DENND5B: variants seen among roughly 807,000 people sequenced by gnomAD.
The protein encoded by DENND5B is DENN domain-containing protein 5B.
A neutral mutation model predicts 140.6 loss-of-function variants in DENND5B; 34 were observed. The observed-to-expected ratio is 0.24, with a 90% CI of 0.18 to 0.32. The LOEUF (loss-of-function observed/expected upper bound fraction) is 0.32, where lower values mean the gene tolerates loss of function less well. Among genes scored for constraint, DENND5B ranks in the 10% least tolerant of loss-of-function variants. The pLI is 1.00. For synonymous variants in DENND5B, 551 were observed against 562.1 expected (o/e 0.98, Z 0.28); for missense variants, 1,142 against 1,560.2 (o/e 0.73, Z 4.52).
chr12:31,445,090 C>T (rs1223944515), intron 6 of DENND5B, among the ~76,000 whole-genome samples: 1 of 152,160 alleles, frequency 6.6e-6, no homozygotes. Context: ...GGAAAAGTTG[C>T]TGTCAAATAA....
chr12:31,473,689 T>C (rs1193490766), intron 3 of DENND5B, among the ~76,000 whole-genome samples: 4 of 152,186 alleles, frequency 2.6e-5, no homozygotes, highest in Admixed American at 2.6e-4. Context: ...TGATTTAAAG[T>C]GCCCCTATGA....
intron 2 of DENND5B, among the ~76,000 whole-genome samples, chr12:31,493,371 A>C (rs1306721869): frequency 6.6e-6 from 1 of 152,228 alleles, no homozygotes; most frequent in Non-Finnish European, 1.5e-5. Context: ...ATCAGGTTAT[A>C]ATGGAGTCTT....
At chr12:31,559,785 G>A (rs1393177016) in intron 1 of DENND5B, among the ~76,000 whole-genome samples, 1 of 151,982 alleles carries the variant, frequency 6.6e-6, no homozygotes, top group Non-Finnish European at 1.5e-5. Flanking sequence ...ACCAAGAAAA[G>A]GGTTAGCTGT....
chr12:31,443,467 T>C (rs542011089), intron 6 of DENND5B, among the ~76,000 whole-genome samples: 1 of 152,356 alleles, frequency 6.6e-6, no homozygotes, highest in South Asian at 2.1e-4. Context: ...TTAATTTTCA[T>C]GGTATTTTCT....
intron 3 of DENND5B, among the ~76,000 whole-genome samples, chr12:31,464,033 A>G (rs1387229496): frequency 6.6e-6 from 1 of 152,226 alleles, no homozygotes; most frequent in Non-Finnish European, 1.5e-5. Flanking sequence ...TGAATCAAGA[A>G]ATAAAAGGCA....
At chr12:31,518,793 T>C (rs1947774236) in intron 1 of DENND5B, among the ~76,000 whole-genome samples, 1 of 152,158 alleles carries the variant, frequency 6.6e-6, no homozygotes, top group Non-Finnish European at 1.5e-5. Flanking sequence ...CTCATCTTGG[T>C]AAACAAGAAA....
intron 1 of DENND5B, among the ~76,000 whole-genome samples, chr12:31,577,353 T>C (rs1203016439): frequency 1.3e-5 from 2 of 152,060 alleles, no homozygotes; most frequent in East Asian, 3.9e-4. Context: ...ATTAAGTGGA[T>C]TTTCATCAGA....
rs766664169 is a variant in DENND5B, at chr12:31,402,636, C to A, written c.2811G>T (p.Pro937=). 5 of 1,596,142 alleles carry A rather than the reference C, an allele frequency of 3.1e-6. No individual in the cohort carries two copies. Among genetic ancestry groups the A allele is most frequent in the African/African-American group, 2.7e-5 (2 of 74,284 alleles). The stretch of plus-strand genomic sequence containing the variant: ...TGATTGGGATGATCACTGACCTATA[C>A]GGAATCACTGAAAGAAAAATGCAGA... ...FTSVFTTIMI[P]YRSVIIPIKK... is the part of the protein sequence containing the mutation. Residue 937 remains proline (P), a synonymous_variant, in exon 15 of 21, where the codon CCG becomes CCT. Coordinates refer to ENST00000389082, the MANE Select transcript of DENND5B (RefSeq NM_144973.4).
chr12:31,526,027 T>TA (rs1948072208), intron 1 of DENND5B, among the ~76,000 whole-genome samples: 1 of 152,122 alleles, frequency 6.6e-6, no homozygotes, highest in African/African-American at 2.4e-5. Context: ...ATTAATACTT[T>TA]AAGGGCAAGT....
chr12:31,519,926 C>G (rs1184293012), intron 1 of DENND5B, among the ~76,000 whole-genome samples: 1 of 152,184 alleles, frequency 6.6e-6, no homozygotes, highest in Non-Finnish European at 1.5e-5. Context: ...AAAAGAAACC[C>G]TGCACCTCAC....
At chr12:31,516,935 T>A (rs569442387) in intron 1 of DENND5B, among the ~76,000 whole-genome samples, 1 of 152,118 alleles carries the variant, frequency 6.6e-6, no homozygotes, top group African/African-American at 2.4e-5. Context: ...TGAGACCCTA[T>A]CTCAAAAAAA....
At chr12:31,486,904 T>G (rs956790058) in intron 2 of DENND5B, among the ~76,000 whole-genome samples, 4 of 152,230 alleles carry the variant, frequency 2.6e-5, no homozygotes, top group Non-Finnish European at 5.9e-5. Flanking sequence ...ATATGTACAT[T>G]ATATAAACAT....
intron 8 of DENND5B, 122 bp downstream of exon 8, chr12:31,433,033 C>CTA (rs1228669886): frequency 1.2e-6 from 1 of 837,772 alleles, no homozygotes; most frequent in East Asian, 2.7e-5. Context: ...ATATTTTAAA[C>CTA]TATAACTAAA....
At chr12:31,427,562 C>T (rs1323602540) in intron 8 of DENND5B, among the ~76,000 whole-genome samples, 1 of 150,168 alleles carries the variant, frequency 6.7e-6, no homozygotes, top group Non-Finnish European at 1.5e-5. Context: ...GTGGAGATGG[C>T]GTCACTGCAC....
At chr12:31,553,787 T>A (rs927560668) in intron 1 of DENND5B, among the ~76,000 whole-genome samples, 9 of 152,280 alleles carry the variant, frequency 5.9e-5, no homozygotes, top group African/African-American at 2.2e-4. Flanking sequence ...TTAACTCTTC[T>A]TGTTGAATTG....
At chr12:31,402,458 C>T (rs117047260) in intron 15 of DENND5B, 40 bp downstream of exon 15, 398 of 1,583,192 alleles carry the variant, frequency 2.5e-4, no homozygotes, top group Non-Finnish European at 3.1e-4. Flanking sequence ...TAAAACTACA[C>T]GTGATACATT....
intron 1 of DENND5B, among the ~76,000 whole-genome samples, chr12:31,523,060 CTTTTTTTTTTT>C (rs35765933): frequency 7.2e-6 from 1 of 139,434 alleles, no homozygotes; most frequent in Non-Finnish European, 1.6e-5. Flanking sequence ...TTTTTTTTTC[CTTTTTTTTTTT>C]TTTTAAAGAA....
At chr12:31,484,479 G>A (rs1946208663) in intron 2 of DENND5B, among the ~76,000 whole-genome samples, 1 of 152,036 alleles carries the variant, frequency 6.6e-6, no homozygotes, top group African/African-American at 2.4e-5. Context: ...GTAAGTGGGT[G>A]CCTCATGAGC....
In DENND5B at chr12:31,437,664, G is replaced by A. The variant is rs148692169; in HGVS notation, c.2013-4416C>T. On this transcript the variant is annotated intron_variant, in intron 7 of 20. Transcript: ENST00000389082. ...AAAGCCTTTGAGTTAATTGCAGATC[G>A]TACAACCAACAGTAGAATCAAGAAA... Among the ~76,000 whole-genome samples, 952 of 152,040 alleles carry A rather than the reference G, an allele frequency of 6.3e-3. 6 individuals are homozygous for A. Among genetic ancestry groups the A allele is most frequent in the Middle Eastern group, 0.037 (11 of 294 alleles).
Sources: gnomAD v4.1 joint callset for allele counts (sites outside exome capture counted in the v4.1 genomes callset) on GRCh38, gnomAD v4.1.1 for gene constraint, MANE v1.5 for transcripts, NCBI Gene and HGNC (gene_info 2026-07-23, HGNC 2026-07-21) for gene names.